The following CSN1S1 variants were observed in gnomAD, a reference collection of about 807,000 sequenced individuals.
The protein encoded by CSN1S1 is alpha-S1-casein.
CSN1S1 carries 63 observed loss-of-function variants against 49.1 expected under a neutral mutation model. The ratio of observed to expected loss-of-function variants is 1.28; its 90% CI spans 1.05 to 1.58. The LOEUF is 1.58. Ranked by LOEUF, CSN1S1 falls within the 40% of genes most tolerant of loss-of-function variation. The pLI is 0.00. For synonymous variants in CSN1S1, 78 were observed against 67.1 expected, an observed-to-expected ratio of 1.16 and a Z score of -0.79; for missense variants, 260 against 224.7, an observed-to-expected ratio of 1.16 and a Z score of -1.01.
chr4:69,933,487 T>C (rs749912541), intron 2 of CSN1S1, among the ~76,000 whole-genome samples: 1 of 152,026 alleles, frequency 6.6e-6, no homozygotes, highest in African/African-American at 2.4e-5. Flanking sequence ...TCTGAACCAA[T>C]AGTCTTTGTT....
At chr4:69,934,648 G>T in intron 3 of CSN1S1, 42 bp from the exon 4 acceptor site, 1 of 1,564,386 alleles carries the variant, frequency 6.4e-7, no homozygotes, top group Non-Finnish European at 8.8e-7. Flanking sequence ...ATTCTGTCCT[G>T]CAATTGGAAT....
chr4:69,940,371 A>G (rs1434271120), intron 11 of CSN1S1, among the ~76,000 whole-genome samples: 2 of 151,742 alleles, frequency 1.3e-5, no homozygotes, highest in Non-Finnish European at 3.0e-5. Flanking sequence ...CCAGTTATCT[A>G]ATTCACAGTT....
rs35000195 is a variant in CSN1S1, at chr4:69,940,111, TCACACACACACA to T, written c.300+95_300+106del. On this transcript the variant is annotated intron_variant, in intron 11 of 15. Transcript: ENST00000246891. ...CAGGATAATTAAAATGCACTTACTT[TCACACACACACA>T]CACACACACACACACACACACACAC... 25 of 405,364 alleles carry T rather than the reference TCACACACACACA, an allele frequency of 6.2e-5. 1 individual carries two copies. The highest frequency in any genetic ancestry group is 3.0e-4 in the South Asian group (6 of 20,238). 25.1% of individuals were successfully genotyped at this position (405,364 alleles called of 1,614,324 possible). A position where few individuals can be genotyped will look rare whatever the true frequency, so the allele number is the denominator to read the frequency against.
At chr4:69,936,717 T>C in intron 7 of CSN1S1, 110 bp downstream of exon 7, 1 of 993,740 alleles carries the variant, frequency 1.0e-6, no homozygotes. Context: ...GTCCTTTCCT[T>C]GAACTTTTCA....
chr4:69,932,926 G>T (rs964660548), intron 2 of CSN1S1, among the ~76,000 whole-genome samples: 1 of 151,948 alleles, frequency 6.6e-6, no homozygotes, highest in Non-Finnish European at 1.5e-5. Context: ...AATGTGATTA[G>T]GCCTGTTCCT....
intron 14 of CSN1S1, among the ~76,000 whole-genome samples, chr4:69,943,775 A>T (rs190047256): frequency 6.6e-6 from 1 of 152,022 alleles, no homozygotes; most frequent in Non-Finnish European, 1.5e-5. Context: ...AGAGCAAAAA[A>T]GAATACACAA....
intron 4 of CSN1S1, among the ~76,000 whole-genome samples, chr4:69,935,217 G>T (rs1362088821): frequency 6.6e-6 from 1 of 151,774 alleles, no homozygotes; most frequent in African/African-American, 2.4e-5. Flanking sequence ...TACTTTTATG[G>T]GAAAAATTAT....
In CSN1S1 at chr4:69,944,005, G is replaced by GTC. The variant is rs143773409; in HGVS notation, c.403-826_403-825dup. On this transcript the variant is annotated intron_variant, in intron 14 of 15. Coordinates refer to ENST00000246891, the MANE Select transcript of CSN1S1 (RefSeq NM_001890.2). ...GACACTTATTTCTGTCTGTCTGTCT[G>GTC]TCTCTCTCTCTCTCTCTCTCGGTCT... Among the ~76,000 whole-genome samples, 407 of 148,508 alleles carry GTC rather than the reference G, an allele frequency of 2.7e-3. 2 individuals are homozygous for GTC. The highest frequency in any genetic ancestry group is 8.7e-3 in the African/African-American group (356 of 40,754).
chr4:69,936,684 AAAAAG>A, intron 7 of CSN1S1, 77 bp downstream of exon 7: 1 of 1,363,656 alleles, frequency 7.3e-7, no homozygotes, highest in Non-Finnish European at 1.0e-6. Flanking sequence ...CTTTAGGAAA[AAAAAG>A]CATTTTTCTA....
chr4:69,941,538 TA>T (rs1722967247), intron 12 of CSN1S1, among the ~76,000 whole-genome samples: 1 of 151,910 alleles, frequency 6.6e-6, no homozygotes, highest in South Asian at 2.1e-4. Context: ...TTGAGTAACA[TA>T]AAAGTCTTTC....
At position 69,936,603 on chromosome 4, in the gene CSN1S1, T is replaced by A. The variant is rs1217603703; in HGVS notation, c.191T>A (p.Ile64Asn). 1 of 1,604,052 alleles carries A rather than the reference T, an allele frequency of 6.2e-7. No individual in the cohort carries two copies. Among genetic ancestry groups the A allele is most frequent in the Non-Finnish European group, 8.5e-7 (1 of 1,174,728 alleles). Residue 64 changes from isoleucine to asparagine, a missense_variant, in exon 7 of 16, where the codon ATC (isoleucine) becomes AAC (asparagine). Ile to Asn is a moderately radical substitution (Grantham distance 149, BLOSUM62 -3). Transcript: ENST00000246891. ...CTGAGAGAAAAACAGACTGATGAAA[T>A]CAAGGTACCAAAGTTTTTCTTGAAA... ...NILREKQTDE[I>N]KDTRNESTQN...
chr4:69,937,702 T>C (rs535462594), intron 8 of CSN1S1, 98 bp from the exon 9 acceptor site: 1 of 937,628 alleles, frequency 1.1e-6, no homozygotes, highest in East Asian at 2.8e-5. Flanking sequence ...TGTCTCAGTT[T>C]TCTATTTTCT....
chr4:69,938,326 C>T (rs1004888064), intron 9 of CSN1S1, among the ~76,000 whole-genome samples: 1 of 151,602 alleles, frequency 6.6e-6, no homozygotes, highest in African/African-American at 2.4e-5. Context: ...GTGCTTTTTA[C>T]CATTAAAAAT....
chr4:69,933,822 AT>A (rs567322666), intron 2 of CSN1S1, among the ~76,000 whole-genome samples: 74 of 152,128 alleles, frequency 4.9e-4, no homozygotes, highest in African/African-American at 1.7e-3. Context: ...TTTGCCCAAC[AT>A]TTTTTATACT....
chr4:69,937,951 C>T, intron 9 of CSN1S1, 128 bp downstream of exon 9: 1 of 546,076 alleles, frequency 1.8e-6, no homozygotes, highest in Non-Finnish European at 3.0e-6. Context: ...AAAATGTTAA[C>T]ATTTTAATTT....
intron 4 of CSN1S1, among the ~76,000 whole-genome samples, chr4:69,935,696 CA>C: frequency 6.6e-6 from 1 of 152,132 alleles, no homozygotes; most frequent in East Asian, 1.9e-4. Context: ...TTTGCCTCTC[CA>C]AAACACTCTG....
chr4:69,936,382 A>G, intron 5 of CSN1S1, 74 bp from the exon 6 acceptor site: 1 of 1,105,204 alleles, frequency 9.0e-7, no homozygotes, highest in Non-Finnish European at 1.3e-6. Context: ...TGTGAAGTAC[A>G]GTTTCTCATA....
chr4:69,940,929 C>T (rs1722951775), intron 11 of CSN1S1, 90 bp from the exon 12 acceptor site: 4 of 647,076 alleles, frequency 6.2e-6, no homozygotes, highest in Admixed American at 6.7e-5. Context: ...TGGGAAAGAG[C>T]ATTGTTAGAT....
intron 15 of CSN1S1, among the ~76,000 whole-genome samples, chr4:69,945,958 G>C (rs1723151706): frequency 6.6e-6 from 1 of 151,842 alleles, no homozygotes; most frequent in South Asian, 2.1e-4. Flanking sequence ...TATTCTAATT[G>C]CATTGCCATA....
Sources: allele counts gnomAD v4.1 joint callset (sites outside exome capture counted in the v4.1 genomes callset), GRCh38; gene constraint gnomAD v4.1.1; transcripts MANE v1.5; gene names NCBI Gene and HGNC (gene_info 2026-07-23, HGNC 2026-07-21).